SVIL: variants seen among roughly 807,000 people sequenced by gnomAD.
The protein encoded by SVIL is archvillin.
Under a neutral mutation model 240.4 loss-of-function variants are expected in SVIL, and 101 were observed. The observed-to-expected ratio is 0.42, with a 90% CI of 0.36 to 0.50. The LOEUF (loss-of-function observed/expected upper bound fraction) is 0.50. Among genes scored for constraint, SVIL ranks in the 20% least tolerant of loss-of-function variants. SVIL has a pLI of 0.01. For missense variants in SVIL, 2,512 were observed against 2,818.7 expected, an observed-to-expected ratio of 0.89 and a Z score of 2.46; for synonymous variants, 999 against 1,100.0, an observed-to-expected ratio of 0.91 and a Z score of 1.82.
intron 3 of SVIL, among the ~76,000 whole-genome samples, chr10:29,556,531 T>C (rs1490612468): frequency 6.6e-6 from 1 of 152,224 alleles, no homozygotes; most frequent in African/African-American, 2.4e-5. Flanking sequence ...TTTTAAGTGA[T>C]AGCCACCTTA....
At chr10:29,479,640 G>A (rs530568074) in intron 29 of SVIL, among the ~76,000 whole-genome samples, 1 of 152,368 alleles carries the variant, frequency 6.6e-6, no homozygotes, top group African/African-American at 2.4e-5. Context: ...CTCAGGAAAT[G>A]TTGTCAGCTG....
At chr10:29,606,833 C>T (rs1307489459) in intron 1 of SVIL, among the ~76,000 whole-genome samples, 1 of 152,126 alleles carries the variant, frequency 6.6e-6, no homozygotes, top group East Asian at 1.9e-4. Context: ...CAGCTCATGG[C>T]AACCTCTGCC....
rs185079475 is a variant in SVIL at position 29,674,210 on chromosome 10, C to A, written c.-301+12343G>T. Among the ~76,000 whole-genome samples, 385 of 152,160 alleles carry A rather than the reference C, an allele frequency of 2.5e-3. 1 individual carries two copies. Among genetic ancestry groups the A allele is most frequent in the African/African-American group, 8.1e-3 (338 of 41,504 alleles). The stretch of plus-strand genomic sequence containing the variant: ...ATTAGCCAGACGTGGTGGTGTGCAC[C>A]TGTGGTCCCAGCTACTTGGGAAGCC... On this transcript the variant is annotated intron_variant, in intron 2 of 35. Transcript: ENST00000375400.
At chr10:29,509,189 T>C (rs1289046866) in intron 17 of SVIL, among the ~76,000 whole-genome samples, 2 of 152,174 alleles carry the variant, frequency 1.3e-5, no homozygotes, top group East Asian at 1.9e-4. Flanking sequence ...AGACCAAGTA[T>C]ATATGCTACG....
chr10:29,478,510 C>G (rs570197327), intron 29 of SVIL, among the ~76,000 whole-genome samples: 36 of 152,250 alleles, frequency 2.4e-4, no homozygotes, highest in African/African-American at 7.7e-4. Flanking sequence ...TAACTTTACC[C>G]AGCCCACACA....
At chr10:29,609,850 A>C (rs1957173314) in intron 1 of SVIL, among the ~76,000 whole-genome samples, 1 of 152,200 alleles carries the variant, frequency 6.6e-6, no homozygotes, top group Admixed American at 6.5e-5. Flanking sequence ...TGCCCTTGGC[A>C]GGCATGGGAT....
At chr10:29,657,901 T>C (rs1460814934) in intron 3 of SVIL, 14 of 152,192 alleles carry the variant, frequency 9.2e-5, no homozygotes, top group Admixed American at 9.2e-4. Context: ...TAATCTCTTC[T>C]AACAGTGCAA....
At chr10:29,699,489 A>G (rs1257924692) in intron 1 of SVIL, among the ~76,000 whole-genome samples, 1 of 152,054 alleles carries the variant, frequency 6.6e-6, no homozygotes, top group African/African-American at 2.4e-5. Context: ...TTTTTAGTAG[A>G]GATGGGGTTT....
intron 2 of SVIL, among the ~76,000 whole-genome samples, chr10:29,668,595 T>C (rs1959514349): frequency 6.6e-6 from 1 of 152,204 alleles, no homozygotes; most frequent in African/African-American, 2.4e-5. Context: ...TGTCTCAGCC[T>C]CCCAAGTAGC....
chr10:29,530,826 T>C (rs1951309639), intron 10 of SVIL, among the ~76,000 whole-genome samples, 158 bp from the exon 11 acceptor site: 1 of 152,240 alleles, frequency 6.6e-6, no homozygotes, highest in Non-Finnish European at 1.5e-5. Flanking sequence ...GAGCCCATTC[T>C]TTCTGCTCAG....
intron 1 of SVIL, among the ~76,000 whole-genome samples, chr10:29,616,373 G>T (rs935737328): frequency 6.6e-6 from 1 of 152,134 alleles, no homozygotes; most frequent in Admixed American, 6.5e-5. Flanking sequence ...GTGTAAACTC[G>T]TTCTGAGGTT....
Position 29,470,260 on chromosome 10 carries a change from C to A in SVIL, c.5843+16G>T. On this transcript the variant is annotated intron_variant, in intron 32 of 37. Coordinates refer to ENST00000355867, the MANE Select transcript of SVIL (RefSeq NM_021738.3). ...GCCCGGTGTGTGGGGGGACTCGCCG[C>A]AGACACAACACTCACTGTTCCTTGA... The A allele has an allele frequency of 6.2e-7, 1 of 1,614,010 alleles. No homozygotes were observed. The highest frequency in any genetic ancestry group is 8.5e-7 in the Non-Finnish European group (1 of 1,179,870).
chr10:29,531,876 G>T, intron 9 of SVIL, 126 bp downstream of exon 9: 1 of 1,124,210 alleles, frequency 8.9e-7, no homozygotes, highest in Non-Finnish European at 1.3e-6. Context: ...AACGCTTATA[G>T]GTTAGATGGA....
intron 1 of SVIL, among the ~76,000 whole-genome samples, chr10:29,691,789 C>T (rs967013246): frequency 3.3e-5 from 5 of 152,170 alleles, no homozygotes; most frequent in South Asian, 2.1e-4. Context: ...GCAAAGATTA[C>T]GGAATCCCTG....
At chr10:29,571,570 T>G (rs1300697642) in intron 1 of SVIL, among the ~76,000 whole-genome samples, 1 of 152,122 alleles carries the variant, frequency 6.6e-6, no homozygotes, top group Non-Finnish European at 1.5e-5. Context: ...ATGAACAACA[T>G]ATGAGTGAAA....
At chr10:29,473,760 G>T in intron 30 of SVIL, 78 bp downstream of exon 30, 4 of 1,586,184 alleles carry the variant, frequency 2.5e-6, no homozygotes, top group South Asian at 1.1e-5. Context: ...TGTTGGGAGG[G>T]ACCAGGCCGA....
chr10:29,499,326 C>G, intron 17 of SVIL, 63 bp from the exon 18 acceptor site: 1 of 1,601,296 alleles, frequency 6.2e-7, no homozygotes. Context: ...GGACCTCAGC[C>G]TGCAGCATTT....
chr10:29,520,906 G>A (rs532993077), intron 16 of SVIL, among the ~76,000 whole-genome samples: 1 of 139,434 alleles, frequency 7.2e-6, no homozygotes, highest in South Asian at 2.3e-4. Context: ...AACAGAGGAA[G>A]ACCATTCCTC....
upstream of SVIL, among the ~76,000 whole-genome samples, chr10:29,638,260 G>A (rs1159242720): frequency 1.3e-5 from 2 of 152,124 alleles, no homozygotes; most frequent in Admixed American, 6.6e-5. Flanking sequence ...TCAGGAGATT[G>A]AGAACATCCT....
Sources: gnomAD v4.1 joint callset for allele counts (sites outside exome capture counted in the v4.1 genomes callset) on GRCh38, gnomAD v4.1.1 for gene constraint, MANE v1.5 for transcripts, NCBI Gene and HGNC (gene_info 2026-07-23, HGNC 2026-07-21) for gene names.